The following ITSN2 variants were observed in gnomAD, a reference collection of about 807,000 sequenced individuals.
ITSN2 encodes the protein intersectin-2.
A neutral mutation model predicts 243.7 loss-of-function variants in ITSN2; 156 were observed. The observed-to-expected ratio is 0.64, with a 90% CI of 0.56 to 0.73. ITSN2 has a LOEUF of 0.73. Among genes scored for constraint, ITSN2 ranks in the 30% least tolerant of loss-of-function variants. The pLI is 0.00. For synonymous variants in ITSN2, 703 were observed against 699.9 expected (o/e 1.00, Z -0.07); for missense variants, 1,801 against 1,996.1 (o/e 0.90, Z 1.86).
At chr2:24,272,028 G>A in intron 18 of ITSN2, 87 bp from the exon 19 acceptor site, 3 of 1,117,860 alleles carry the variant, frequency 2.7e-6, no homozygotes, top group Non-Finnish European at 3.7e-6. Flanking sequence ...TTCCTGTCAA[G>A]GTGAAGAACT....
chr2:24,351,601 A>T (rs1574407907), intron 1 of ITSN2, among the ~76,000 whole-genome samples: 1 of 152,222 alleles, frequency 6.6e-6, no homozygotes, highest in Admixed American at 6.5e-5. Flanking sequence ...TACAAAATGG[A>T]TAATTCCAGA....
chr2:24,352,522 C>T (rs1688115297), intron 1 of ITSN2, among the ~76,000 whole-genome samples: 1 of 152,024 alleles, frequency 6.6e-6, no homozygotes, highest in Non-Finnish European at 1.5e-5. Flanking sequence ...GCATTAAGAC[C>T]TAAAAGCCTC....
At chr2:24,342,823 G>T (rs1042145667) in intron 1 of ITSN2, among the ~76,000 whole-genome samples, 2 of 151,998 alleles carry the variant, frequency 1.3e-5, no homozygotes, top group African/African-American at 4.8e-5. Context: ...TGGCACAGTG[G>T]CTCATGCCTG....
At chr2:24,315,015 A>C (rs1386747321) in intron 3 of ITSN2, 117 bp downstream of exon 3, 3 of 460,230 alleles carry the variant, frequency 6.5e-6, no homozygotes, top group Non-Finnish European at 1.2e-5. Flanking sequence ...TAGAATTCTG[A>C]TTGATATGAA....
intron 25 of ITSN2, 108 bp downstream of exon 25, chr2:24,252,237 A>C (rs551192457): frequency 1.2e-4 from 99 of 801,902 alleles, no homozygotes; most frequent in Non-Finnish European, 4.1e-5. Context: ...CATGATCTCT[A>C]AGTATAAATC....
rs762051706 is a variant in ITSN2 at position 24,204,408 on chromosome 2, G to T, written c.4773C>A (p.Asn1591Lys). Residue 1591 changes from asparagine to lysine, a missense_variant, in exon 39 of 40, where the codon AAC (asparagine) becomes AAA (lysine). This residue lies in a region of ITSN2 where 928 missense variants were observed against 1,065.4 expected (regional missense o/e 0.87). Transcript: ENST00000355123. This position sits in a 1 kb window ranked among gnomAD's most constrained non-coding sequence, Gnocchi z 5.1. ...AGCCCATGCTGATTTCACAGTATGG[G>T]TTGCTCTTTCCTGAACAAAAACAAA... ...LKACKPNGKS[N>K]PYCEISMGSQ... The T allele has an allele frequency of 6.2e-7, 1 of 1,614,132 alleles. No individual in the cohort carries two copies. The highest frequency in any genetic ancestry group is 8.5e-7 in the Non-Finnish European group (1 of 1,180,014).
intron 29 of ITSN2, among the ~76,000 whole-genome samples, chr2:24,231,363 ACT>A (rs1362665961): frequency 4.6e-5 from 7 of 152,276 alleles, no homozygotes; most frequent in African/African-American, 1.4e-4. Context: ...GTGAAGATAC[ACT>A]CTGAGCTTCA....
rs1573968440 is a variant in ITSN2, at chr2:24,239,791, CTTAAG to C, written c.3577+6333_3577+6337del. 3 of 152,178 alleles carry C rather than the reference CTTAAG, an allele frequency of 2.0e-5. No individual in the cohort carries two copies. In the East Asian group the frequency reaches 5.8e-4, roughly 29 times the overall value. The allele number at this position is 152,178 out of a possible 1,614,324, so 9.4% of individuals were successfully genotyped here. The stretch of plus-strand genomic sequence containing the variant: ...AGACAGCATGCACTTTTAAGAAAGA[CTTAAG>C]TTATTATGTCATATGATTTCCATTC... On this transcript the variant is annotated intron_variant, in intron 29 of 39. Transcript: ENST00000355123.
At chr2:24,221,308 A>G in intron 29 of ITSN2, 1 of 459,404 alleles carries the variant, frequency 2.2e-6, no homozygotes, top group Non-Finnish European at 3.9e-6. Context: ...TGTGCTCCTA[A>G]TTTCTTTTCA....
chr2:24,291,060 G>A (rs1478853446), intron 15 of ITSN2, among the ~76,000 whole-genome samples: 2 of 152,106 alleles, frequency 1.3e-5, no homozygotes, highest in Admixed American at 1.3e-4. Flanking sequence ...TAGTATTGAT[G>A]TATAGTATAG....
intron 31 of ITSN2, 150 bp downstream of exon 31, chr2:24,217,757 T>C: frequency 3.7e-6 from 2 of 537,542 alleles, no homozygotes; most frequent in Non-Finnish European, 6.8e-6. Context: ...TCACAGGATA[T>C]TTCATAAAAT....
At chr2:24,220,483 A>T in intron 30 of ITSN2, 1 of 994,468 alleles carries the variant, frequency 1.0e-6, no homozygotes, top group Non-Finnish European at 1.2e-6. Context: ...TGGGTTTTCC[A>T]AACTGATACA....
intron 8 of ITSN2, among the ~76,000 whole-genome samples, chr2:24,304,306 A>G (rs1349912995): frequency 6.6e-6 from 1 of 152,220 alleles, no homozygotes; most frequent in Non-Finnish European, 1.5e-5. Flanking sequence ...CAACTCTTAC[A>G]CAAGAGATTA....
At chr2:24,237,511 T>G (rs1672297318) in intron 29 of ITSN2, among the ~76,000 whole-genome samples, 1 of 152,170 alleles carries the variant, frequency 6.6e-6, no homozygotes, top group Non-Finnish European at 1.5e-5. Context: ...CCAGGTGGTG[T>G]ACATCTGATG....
chr2:24,222,028 G>A (rs1225904934), intron 29 of ITSN2, among the ~76,000 whole-genome samples: 1 of 152,184 alleles, frequency 6.6e-6, no homozygotes, highest in Non-Finnish European at 1.5e-5. Context: ...CAAGGTGGGT[G>A]TATCACGAGG....
chr2:24,222,501 C>T (rs150599723), intron 29 of ITSN2, among the ~76,000 whole-genome samples: 2 of 152,082 alleles, frequency 1.3e-5, no homozygotes, highest in African/African-American at 4.8e-5. Context: ...TGTCCAACCT[C>T]GGACAAGTGC....
At chr2:24,313,393 G>T in intron 4 of ITSN2, 67 bp downstream of exon 4, 2 of 1,298,672 alleles carry the variant, frequency 1.5e-6, no homozygotes, top group Non-Finnish European at 2.2e-6. Context: ...ACAATTTTAT[G>T]TTAACACTAT....
At chr2:24,271,037 T>C (rs1269013409) in intron 19 of ITSN2, among the ~76,000 whole-genome samples, 5 of 152,058 alleles carry the variant, frequency 3.3e-5, no homozygotes, top group Non-Finnish European at 5.9e-5. Context: ...GAAAGGAAAG[T>C]GCAGGAGTGG....
intron 1 of ITSN2, among the ~76,000 whole-genome samples, chr2:24,335,773 G>T (rs1357816874): frequency 2.6e-5 from 4 of 151,818 alleles, no homozygotes; most frequent in African/African-American, 9.7e-5. Context: ...CGAGTAGCTG[G>T]GATTAAGGTG....
Sources: gnomAD v4.1 joint callset for allele counts (sites outside exome capture counted in the v4.1 genomes callset) on GRCh38, gnomAD v4.1.1 for gene constraint, gnomAD v4.1.1 regional missense constraint, Gnocchi (gnomAD v3.1) non-coding constraint, MANE v1.5 for transcripts, NCBI Gene and HGNC (gene_info 2026-07-23, HGNC 2026-07-21) for gene names.